STAB2: variants seen among roughly 807,000 people sequenced by gnomAD.
STAB2 encodes stabilin-2.
STAB2 carries 288 observed loss-of-function variants against 338.1 expected under a neutral mutation model. That is an observed-to-expected ratio of 0.85 (90% CI 0.77 to 0.94). The LOEUF (loss-of-function observed/expected upper bound fraction) is 0.94. Among genes scored for constraint, STAB2 ranks in the 40% least tolerant of loss-of-function variants. The pLI, the probability that STAB2 is intolerant of heterozygous loss-of-function variation, is 0.00. For missense variants in STAB2, 3,141 were observed against 3,210.1 expected, an observed-to-expected ratio of 0.98 and a Z score of 0.52; for synonymous variants, 1,202 against 1,193.3, an observed-to-expected ratio of 1.01 and a Z score of -0.15.
intron 51 of STAB2, among the ~76,000 whole-genome samples, chr12:103,733,575 G>A (rs73192004): frequency 0.04 from 6,119 of 152,228 alleles, 181 homozygotes; most frequent in Admixed American, 0.087. Context: ...ATGACTGATT[G>A]ATCCAGCTTC....
chr12:103,733,300 G>GGGATGCTGTGGCTTCCTGCAT, intron 51 of STAB2, 118 bp downstream of exon 51: 2 of 1,213,660 alleles, frequency 1.6e-6, no homozygotes, highest in Non-Finnish European at 2.4e-6. Flanking sequence ...CTGTATGCAG[G>GGGATGCTGTGGCTTCCTGCAT]AAGCCACAGC....
chr12:103,699,812 T>C (rs1170209726), intron 34 of STAB2, among the ~76,000 whole-genome samples: 1 of 152,222 alleles, frequency 6.6e-6, no homozygotes, highest in Non-Finnish European at 1.5e-5. Context: ...CTTCAGATGA[T>C]CAGTGTAGCC....
At chr12:103,739,572 T>TGTGCCC (rs373686630) in intron 54 of STAB2, 104 bp downstream of exon 54, 1 of 707,054 alleles carries the variant, frequency 1.4e-6, no homozygotes, top group East Asian at 3.3e-5. Flanking sequence ...TGTGTGTGTG[T>TGTGCCC]GCCCGTGCAC....
At chr12:103,740,021 A>G (rs1381096309) in intron 54 of STAB2, among the ~76,000 whole-genome samples, 1 of 152,214 alleles carries the variant, frequency 6.6e-6, no homozygotes, top group African/African-American at 2.4e-5. Context: ...GTCAAATTCC[A>G]TAATCTTTGA....
intron 36 of STAB2, among the ~76,000 whole-genome samples, 186 bp from the exon 37 acceptor site, chr12:103,705,446 A>G (rs979179200): frequency 1.3e-5 from 2 of 152,258 alleles, no homozygotes; most frequent in African/African-American, 2.4e-5. Context: ...GCCACCTGGC[A>G]TTCCGGCAAC....
chr12:103,658,316 G>T (rs1372497997), intron 15 of STAB2, among the ~76,000 whole-genome samples: 1 of 152,150 alleles, frequency 6.6e-6, no homozygotes, highest in East Asian at 1.9e-4. Context: ...CGCACCAAAA[G>T]GCTCTTCAAC....
At position 103,755,320 on chromosome 12, in the gene STAB2, T is replaced by C. The variant is rs748618615; in HGVS notation, c.6733T>C (p.Ser2245Pro). The change falls in exon 62 of 69, where the codon TCA becomes CCA. Residue 2245 changes from serine (S) to proline (P), a missense_variant. Transcript: ENST00000388887. The part of the protein sequence containing the change: ...YAQKAKYHLC[S>P]AGWLETGRVA... Reference sequence around the variant, plus strand: ...CCTGCAGGCCAAGTACCACCTGTGCTCAGCAGGCTGGCTGGAGACCGGGCG... The same window carrying C: ...CCTGCAGGCCAAGTACCACCTGTGCCCAGCAGGCTGGCTGGAGACCGGGCG... The C allele has an allele frequency of 4.3e-6, 7 of 1,613,920 alleles. No individual in the cohort carries two copies. The highest frequency in any genetic ancestry group is 1.6e-4 in the Middle Eastern group (1 of 6,084).
At chr12:103,728,185 T>C (rs1881359928) in intron 47 of STAB2, among the ~76,000 whole-genome samples, 1 of 152,214 alleles carries the variant, frequency 6.6e-6, no homozygotes, top group African/African-American at 2.4e-5. Flanking sequence ...AGGGTCTTGC[T>C]CTGTCACCCA....
chr12:103,643,709 G>A (rs1273364959), intron 9 of STAB2, among the ~76,000 whole-genome samples: 1 of 151,998 alleles, frequency 6.6e-6, no homozygotes, highest in Non-Finnish European at 1.5e-5. Flanking sequence ...GCTAATAACA[G>A]GACCTACCTT....
chr12:103,752,980 T>C (rs1006977269), intron 60 of STAB2, among the ~76,000 whole-genome samples: 9 of 152,250 alleles, frequency 5.9e-5, no homozygotes, highest in African/African-American at 1.9e-4. Context: ...TAGGTGGTTT[T>C]TGCTTATGTT....
chr12:103,679,580 G>T (rs1566009024), intron 25 of STAB2, among the ~76,000 whole-genome samples: 1 of 152,104 alleles, frequency 6.6e-6, no homozygotes, highest in East Asian at 1.9e-4. Context: ...ACCACAGAAG[G>T]TGCTTCTCGG....
intron 24 of STAB2, among the ~76,000 whole-genome samples, chr12:103,677,242 T>A (rs1420987718): frequency 6.6e-6 from 1 of 152,242 alleles, no homozygotes; most frequent in Non-Finnish European, 1.5e-5. Context: ...AACACAGTGA[T>A]GTCAGTGGCC....
intron 64 of STAB2, among the ~76,000 whole-genome samples, chr12:103,758,841 C>T (rs1566083906): frequency 6.6e-6 from 1 of 152,226 alleles, no homozygotes; most frequent in Non-Finnish European, 1.5e-5. Context: ...ACAGCCCCAC[C>T]AGCCACCTGA....
At chr12:103,654,916 G>T in intron 13 of STAB2, 1 of 597,828 alleles carries the variant, frequency 1.7e-6, no homozygotes, top group Non-Finnish European at 2.7e-6. Context: ...GGAAAGATCT[G>T]GATTTTTTTT....
chr12:103,745,486 T>C (rs571046758), intron 57 of STAB2, among the ~76,000 whole-genome samples: 50 of 152,314 alleles, frequency 3.3e-4, no homozygotes, highest in African/African-American at 1.2e-3. Context: ...AACTCAAACC[T>C]ATGAAACTAG....
chr12:103,645,128 T>C (rs1230209259), intron 9 of STAB2, among the ~76,000 whole-genome samples: 2 of 152,234 alleles, frequency 1.3e-5, no homozygotes, highest in Admixed American at 1.3e-4. Context: ...TTAAGTGTAA[T>C]TAATTTTAAC....
intron 3 of STAB2, among the ~76,000 whole-genome samples, chr12:103,615,301 C>A (rs1349748878): frequency 6.6e-6 from 1 of 152,122 alleles, no homozygotes; most frequent in African/African-American, 2.4e-5. Flanking sequence ...CCAGGAGAAG[C>A]AGAGGGAGAC....
At chr12:103,631,441 T>TAAAA (rs10668571) in intron 5 of STAB2, among the ~76,000 whole-genome samples, 157 bp from the exon 6 acceptor site, 1 of 147,948 alleles carries the variant, frequency 6.8e-6, no homozygotes, top group Non-Finnish European at 1.5e-5. Flanking sequence ...ATGTTAAACT[T>TAAAA]AAAAAAAAAA....
intron 9 of STAB2, among the ~76,000 whole-genome samples, chr12:103,641,445 T>C (rs1201946162): frequency 6.6e-6 from 1 of 152,150 alleles, no homozygotes; most frequent in Admixed American, 6.5e-5. Flanking sequence ...ATTACATTCG[T>C]CAATCTCTGA....
Sources: allele counts gnomAD v4.1 joint callset (sites outside exome capture counted in the v4.1 genomes callset), GRCh38; gene constraint gnomAD v4.1.1; transcripts MANE v1.5; gene names NCBI Gene and HGNC (gene_info 2026-07-23, HGNC 2026-07-21).